ANTXR2: variants seen among roughly 807,000 people sequenced by gnomAD.
The protein encoded by ANTXR2 is anthrax toxin receptor 2.
ANTXR2 carries 44 observed loss-of-function variants against 73.7 expected under a neutral mutation model. The ratio of observed to expected loss-of-function variants is 0.60; its 90% confidence interval spans 0.47 to 0.77. ANTXR2 has a LOEUF of 0.77. Ranked by LOEUF, ANTXR2 falls within the 30% of genes least tolerant of loss-of-function variation. The pLI, the probability that ANTXR2 is intolerant of heterozygous loss-of-function variation, is 0.00. For synonymous variants in ANTXR2, 217 were observed against 205.9 expected (o/e 1.05, Z -0.46); for missense variants, 604 against 592.5 (o/e 1.02, Z -0.20).
intron 7 of ANTXR2, among the ~76,000 whole-genome samples, chr4:80,044,246 T>G (rs1052409068): frequency 6.6e-6 from 1 of 151,974 alleles, no homozygotes; most frequent in Non-Finnish European, 1.5e-5. Flanking sequence ...AACCTTGACT[T>G]AATTTCTTCT....
chr4:79,943,735 TAA>T lies in ANTXR2; in HGVS notation c.1428+33884_1428+33885del, dbSNP rs201154009. Among the ~76,000 whole-genome samples, 134 of 141,118 alleles carry T rather than the reference TAA, an allele frequency of 9.5e-4. 1 individual carries two copies. Among genetic ancestry groups the T allele is most frequent in the African/African-American group, 3.0e-3 (118 of 38,738 alleles). 92.6% of individuals were successfully genotyped at this position (141,118 alleles called of 152,430 possible). A position where few individuals can be genotyped will look rare whatever the true frequency, so the allele number is the denominator to read the frequency against. On this transcript the variant is annotated intron_variant, in intron 16 of 16. Transcript: ENST00000403729. ...ATGTACCCTAAAACTTAGAGTATAA[TAA>T]AAAAAAAAATAAATAAAAAATAAAA...
At chr4:79,947,046 A>C (rs1250715711) in intron 16 of ANTXR2, among the ~76,000 whole-genome samples, 1 of 152,112 alleles carries the variant, frequency 6.6e-6, no homozygotes, top group East Asian at 1.9e-4. Flanking sequence ...CCAGAAGCAA[A>C]TAGGAACCCA....
chr4:80,069,822 G>A (rs998965934), intron 2 of ANTXR2, among the ~76,000 whole-genome samples: 1 of 152,096 alleles, frequency 6.6e-6, no homozygotes, highest in Non-Finnish European at 1.5e-5. Context: ...CTCTTCCCTT[G>A]GTTTTCTACA....
intron 10 of ANTXR2, 150 bp downstream of exon 10, chr4:80,031,473 A>C: frequency 3.9e-6 from 2 of 519,336 alleles, no homozygotes; most frequent in Non-Finnish European, 6.5e-6. Flanking sequence ...TTGCTTGCCT[A>C]GTACTAAGTT....
intron 11 of ANTXR2, among the ~76,000 whole-genome samples, chr4:80,018,634 T>G (rs1344280431): frequency 1.3e-5 from 2 of 152,220 alleles, no homozygotes; most frequent in Non-Finnish European, 1.5e-5. Context: ...TCTTACCTTA[T>G]TTTGATTTCA....
chr4:79,989,148 G>A (rs887241045), intron 12 of ANTXR2, among the ~76,000 whole-genome samples: 2 of 151,810 alleles, frequency 1.3e-5, no homozygotes, highest in East Asian at 3.9e-4. Flanking sequence ...CAAAATCAGA[G>A]CTGAACTGAA....
At chr4:80,022,283 A>G (rs944472727) in intron 10 of ANTXR2, among the ~76,000 whole-genome samples, 1 of 152,358 alleles carries the variant, frequency 6.6e-6, no homozygotes, top group South Asian at 2.1e-4. Context: ...GTGAATATAT[A>G]TATTTATGAA....
intron 11 of ANTXR2, among the ~76,000 whole-genome samples, chr4:80,018,677 T>A (rs1188058135): frequency 6.6e-6 from 1 of 152,148 alleles, no homozygotes; most frequent in Non-Finnish European, 1.5e-5. Context: ...AGTATGAAAA[T>A]CAAATGCATA....
chr4:79,909,022 A>T (rs1367777215), intron 16 of ANTXR2, among the ~76,000 whole-genome samples: 1 of 152,204 alleles, frequency 6.6e-6, no homozygotes, highest in East Asian at 1.9e-4. Context: ...TGAGGCAAAA[A>T]AAGTAGTGCT....
chr4:79,997,984 A>G (rs1233012030), intron 12 of ANTXR2, among the ~76,000 whole-genome samples: 1 of 151,992 alleles, frequency 6.6e-6, no homozygotes, highest in African/African-American at 2.4e-5. Flanking sequence ...AATTTAAATT[A>G]CTTATATTTT....
intron 10 of ANTXR2, among the ~76,000 whole-genome samples, chr4:80,020,324 T>C (rs939039213): frequency 1.3e-5 from 2 of 152,036 alleles, no homozygotes; most frequent in Admixed American, 6.6e-5. Flanking sequence ...AGGTTGAGGC[T>C]GCAGTCATCT....
At position 79,999,241 on chromosome 4, in the gene ANTXR2, G is replaced by A. The variant is rs140145033; in HGVS notation, c.1041+9280C>T. Among the ~76,000 whole-genome samples the A allele has an allele frequency of 6.6e-5, 10 of 152,048 alleles. 1 individual carries two copies. The highest frequency in any genetic ancestry group is 3.9e-4 in the East Asian group (2 of 5,150). ...CACGTGTTGAGGGAGGGACCTGGGT[G>A]AGAGGTGACTGAATCATGGAGGCGG... On this transcript the variant is annotated intron_variant, in intron 12 of 16. Coordinates refer to ENST00000403729, the MANE Select transcript of ANTXR2 (RefSeq NM_058172.6).
At chr4:80,063,510 G>GT in intron 3 of ANTXR2, among the ~76,000 whole-genome samples, 1 of 151,828 alleles carries the variant, frequency 6.6e-6, no homozygotes, top group East Asian at 1.9e-4. Flanking sequence ...AATTGTGAAG[G>GT]TTTTTTCCAC....
chr4:80,062,253 T>G (rs1453748179), intron 3 of ANTXR2, among the ~76,000 whole-genome samples: 1 of 152,132 alleles, frequency 6.6e-6, no homozygotes. Flanking sequence ...TTGTCAAAAA[T>G]ATTCTCCAAT....
At chr4:80,055,896 A>G (rs1418677150) in intron 4 of ANTXR2, 36 bp downstream of exon 4, 2 of 1,366,576 alleles carry the variant, frequency 1.5e-6, no homozygotes, top group South Asian at 2.7e-5. Context: ...ATAAGAAAGC[A>G]TTCTCTCCCA....
At chr4:79,999,782 T>C (rs1033438614) in intron 12 of ANTXR2, among the ~76,000 whole-genome samples, 3 of 152,150 alleles carry the variant, frequency 2.0e-5, no homozygotes, top group Non-Finnish European at 2.9e-5. Context: ...TCAGTAGTTA[T>C]GGTGCATGCC....
chr4:80,020,366 A>G (rs1732099545), intron 10 of ANTXR2, among the ~76,000 whole-genome samples: 1 of 152,116 alleles, frequency 6.6e-6, no homozygotes, highest in African/African-American at 2.4e-5. Flanking sequence ...AGCTTCAGCA[A>G]CACAGTGAGA....
chr4:79,909,658 AT>A (rs1436817687), intron 16 of ANTXR2, among the ~76,000 whole-genome samples: 1 of 151,890 alleles, frequency 6.6e-6, no homozygotes. Flanking sequence ...AAAAAAAAAA[AT>A]AAAGAAAAAC....
chr4:79,955,636 G>C (rs1346275810), intron 16 of ANTXR2, among the ~76,000 whole-genome samples: 1 of 152,032 alleles, frequency 6.6e-6, no homozygotes. Flanking sequence ...AGCTGGGTTG[G>C]TTGAAATTAG....
Sources: allele counts gnomAD v4.1 joint callset (sites outside exome capture counted in the v4.1 genomes callset), GRCh38; gene constraint gnomAD v4.1.1; transcripts MANE v1.5; gene names NCBI Gene and HGNC (gene_info 2026-07-23, HGNC 2026-07-21).